The following LONRF1 variants were observed in gnomAD, a reference collection of about 807,000 sequenced individuals.
The protein encoded by LONRF1 is LON peptidase N-terminal domain and RING finger protein 1.
A neutral mutation model predicts 85.8 loss-of-function variants in LONRF1; 37 were observed. The ratio of observed to expected loss-of-function variants is 0.43; its 90% CI spans 0.33 to 0.57. The LOEUF (loss-of-function observed/expected upper bound fraction) is 0.57. Among genes scored for constraint, LONRF1 ranks in the 20% least tolerant of loss-of-function variants. LONRF1 has a pLI of 0.04. For missense variants in LONRF1, 1,036 were observed against 978.0 expected (o/e 1.06, Z -0.79); for synonymous variants, 517 against 390.1 (o/e 1.33, Z -3.83).
At chr8:12,730,488 A>G (rs528103509) in intron 8 of LONRF1, among the ~76,000 whole-genome samples, 76 of 152,314 alleles carry the variant, frequency 5.0e-4, no homozygotes, top group African/African-American at 1.8e-3. Context: ...GTTTTAAGAA[A>G]CAGCCCCATT....
rs1166192293 is a variant in LONRF1, at chr8:12,755,118, G to C, written c.303C>G (p.His101Gln). The change falls in exon 1 of 12, where the codon CAC becomes CAG. Residue 101 changes from histidine (H) to glutamine (Q), a missense_variant. His to Gln is a conservative substitution (Grantham distance 24). This residue lies in a region of LONRF1 where 742 missense variants were observed against 614.4 expected (regional missense o/e 1.21). Transcript: ENST00000398246. ...DCLVFNYRLRHGLGWSAAPVA... is the reference protein window; with the variant it reads ...DCLVFNYRLRQGLGWSAAPVA... ...CCGGGGCCGCGCTCCAGCCCAGCCC[G>C]TGGCGGAGCCGGTAGTTGAACACCA... 6 of 1,458,610 alleles carry C rather than the reference G, an allele frequency of 4.1e-6. No homozygotes were observed. In the Admixed American group the frequency reaches 1.5e-4, roughly 35 times the overall value. 90.4% of individuals were successfully genotyped at this position (1,458,610 alleles called of 1,614,324 possible).
chr8:12,744,412 C>T (rs1158209494), intron 1 of LONRF1, among the ~76,000 whole-genome samples: 1 of 152,062 alleles, frequency 6.6e-6, no homozygotes, highest in Non-Finnish European at 1.5e-5. Flanking sequence ...TAAAAAAAGA[C>T]ATGTCTAGAA....
At chr8:12,750,560 C>T (rs1193528074) in intron 1 of LONRF1, among the ~76,000 whole-genome samples, 2 of 152,164 alleles carry the variant, frequency 1.3e-5, no homozygotes, top group South Asian at 2.1e-4. Flanking sequence ...ATGTGGGTAA[C>T]TGAAACCACA....
At chr8:12,728,030 G>C (rs1294705387) in intron 10 of LONRF1, among the ~76,000 whole-genome samples, 1 of 152,122 alleles carries the variant, frequency 6.6e-6, no homozygotes, top group Admixed American at 6.6e-5. Flanking sequence ...ATAGAGTTGT[G>C]AAAATTCTAT....
chr8:12,728,804 G>C, intron 10 of LONRF1, 97 bp downstream of exon 10: 1 of 1,367,216 alleles, frequency 7.3e-7, no homozygotes, highest in Non-Finnish European at 1.0e-6. Flanking sequence ...TGTCTGATAA[G>C]AACTGGTTCA....
intron 2 of LONRF1, 44 bp downstream of exon 2, chr8:12,743,120 G>T: frequency 3.1e-6 from 4 of 1,286,042 alleles, no homozygotes; most frequent in South Asian, 1.2e-5. Flanking sequence ...GTCCCTTATA[G>T]TTAAAATTTT....
chr8:12,741,019 A>C (rs1798913324), intron 2 of LONRF1, 23 bp from the exon 3 acceptor site: 1 of 1,609,360 alleles, frequency 6.2e-7, no homozygotes, highest in Admixed American at 1.7e-5. Flanking sequence ...CAGATATATA[A>C]AACCTTTGTG....
chr8:12,736,830 T>C lies in LONRF1; in HGVS notation c.1355-33A>G, dbSNP rs1362370931. On this transcript the variant is annotated intron_variant, in intron 5 of 11. Coordinates refer to ENST00000398246, the MANE Select transcript of LONRF1 (RefSeq NM_152271.5). ...AACAAAGACATGGGGTTTTCTTCCT[T>C]AGGAAAAACTTTAAAGACTATTCTG... 3.8e-6 allele frequency: 6 copies of C among 1,585,080 alleles called. No homozygotes were observed. The East Asian group carries it at 9.0e-5, about 24-fold the overall frequency.
intron 10 of LONRF1, among the ~76,000 whole-genome samples, chr8:12,726,687 C>T (rs1254634917): frequency 6.6e-6 from 1 of 152,198 alleles, no homozygotes; most frequent in Non-Finnish European, 1.5e-5. Flanking sequence ...CCAGGTCGTG[C>T]TCTGTCTCAT....
chr8:12,725,901 A>C (rs1177591396), intron 10 of LONRF1, 22 bp from the exon 11 acceptor site: 2 of 1,595,776 alleles, frequency 1.3e-6, no homozygotes, highest in African/African-American at 2.7e-5. Flanking sequence ...ATAGTCAGTA[A>C]GACTTCTGTG....
At position 12,722,308 on chromosome 8, in the gene LONRF1, G is replaced by A. The variant is rs879723141; in HGVS notation, c.*788C>T. 6.6e-6 allele frequency: 1 copy of A among 152,526 alleles called. No individual in the cohort carries two copies. Among genetic ancestry groups the A allele is most frequent in the Non-Finnish European group, 1.5e-5 (1 of 68,030 alleles). 9.4% of individuals were successfully genotyped at this position (152,526 alleles called of 1,614,324 possible). A position where few individuals can be genotyped will look rare whatever the true frequency, so the allele number is the denominator to read the frequency against. On this transcript the variant is annotated 3_prime_UTR_variant, in exon 12 of 12. Transcript: ENST00000398246. ...CCCCCTAAAATGTACAAACTAACTG[G>A]TACTGAATTGAGTTCTCCCTTTACC...
rs1563130479 is a variant in LONRF1 at position 12,723,253 on chromosome 8, G to A, written c.2165C>T (p.Ala722Val). ...ACACCATGCAGGTCCATTAGGGGCT[G>A]CCTAAAAACAATGGACAGTTTATAG... ...SMPEREENLQ[A>V]APNGPAWCWW... Residue 722 changes from alanine to valine, a missense_variant and splice_region_variant, in exon 12 of 12, where the codon GCA (alanine) becomes GTA (valine). Physicochemically the swap from Ala to Val is moderately conservative, Grantham distance 64. This residue lies in a region of LONRF1 where 265 missense variants were observed against 301.5 expected (regional missense o/e 0.88). Coordinates refer to ENST00000398246, the MANE Select transcript of LONRF1 (RefSeq NM_152271.5). 2 of 1,604,602 alleles carry A rather than the reference G, an allele frequency of 1.2e-6. No individual in the cohort carries two copies. The highest frequency in any genetic ancestry group is 1.7e-6 in the Non-Finnish European group (2 of 1,177,396).
chr8:12,726,542 T>TA (rs1230735544), intron 10 of LONRF1, among the ~76,000 whole-genome samples: 5 of 152,204 alleles, frequency 3.3e-5, no homozygotes, highest in African/African-American at 9.7e-5. Flanking sequence ...ACTGCAAATG[T>TA]AAAATTAATT....
chr8:12,752,571 T>C (rs7006449), intron 1 of LONRF1, among the ~76,000 whole-genome samples: 1,780 of 152,270 alleles, frequency 0.012, 27 homozygotes, highest in African/African-American at 0.041. Context: ...TAGAATGAAG[T>C]TGCTAAGTGG....
At chr8:12,734,904 G>A (rs868781838) in intron 7 of LONRF1, among the ~76,000 whole-genome samples, 1 of 152,060 alleles carries the variant, frequency 6.6e-6, no homozygotes, top group Admixed American at 6.6e-5. Flanking sequence ...AGTTGTTCTA[G>A]ATGTTGAGGA....
intron 1 of LONRF1, among the ~76,000 whole-genome samples, chr8:12,752,689 T>G (rs1489656835): frequency 6.6e-6 from 1 of 152,232 alleles, no homozygotes; most frequent in Admixed American, 6.5e-5. Flanking sequence ...CCAGAATCTC[T>G]GTTAACTAAA....
At chr8:12,734,435 A>C (rs189555624) in intron 7 of LONRF1, among the ~76,000 whole-genome samples, 1 of 152,156 alleles carries the variant, frequency 6.6e-6, no homozygotes, top group Non-Finnish European at 1.5e-5. Flanking sequence ...AATCCTGTCA[A>C]TCACCAGAGA....
intron 3 of LONRF1, among the ~76,000 whole-genome samples, chr8:12,740,273 T>C (rs1798880266): frequency 6.6e-6 from 1 of 152,218 alleles, no homozygotes; most frequent in African/African-American, 2.4e-5. Context: ...AGTGCTATTT[T>C]ATTTCATGCT....
chr8:12,734,169 T>G (rs1388015273), intron 7 of LONRF1, among the ~76,000 whole-genome samples: 2 of 152,224 alleles, frequency 1.3e-5, no homozygotes, highest in African/African-American at 4.8e-5. Flanking sequence ...ATTGAGCATA[T>G]TAGCTAAAAA....
Sources: allele counts gnomAD v4.1 joint callset (sites outside exome capture counted in the v4.1 genomes callset), GRCh38; gene constraint gnomAD v4.1.1; regional missense constraint gnomAD v4.1.1; transcripts MANE v1.5; gene names NCBI Gene and HGNC (gene_info 2026-07-23, HGNC 2026-07-21).